Variants in CSMD2 observed in about 807,000 individuals in gnomAD.
The protein encoded by CSMD2 is CUB and sushi domain-containing protein 2.
CSMD2 carries 130 observed loss-of-function variants against 398.5 expected under a neutral mutation model. The observed-to-expected ratio is 0.33, with a 90% CI of 0.28 to 0.38. The LOEUF is 0.38. Among genes scored for constraint, CSMD2 ranks in the 10% least tolerant of loss-of-function variants. The pLI, the probability that CSMD2 is intolerant of heterozygous loss-of-function variation, is 1.00. For missense variants in CSMD2, 3,829 were observed against 4,764.9 expected, an observed-to-expected ratio of 0.80 and a Z score of 5.78; for synonymous variants, 1,828 against 1,908.5, an observed-to-expected ratio of 0.96 and a Z score of 1.10.
At chr1:33,956,254 T>C (rs1645165282) in intron 3 of CSMD2, among the ~76,000 whole-genome samples, 1 of 150,892 alleles carries the variant, frequency 6.6e-6, no homozygotes, top group South Asian at 2.1e-4. Flanking sequence ...CCATCACCAC[T>C]ATCCATCCAC....
At chr1:33,749,675 A>G (rs891972110) in intron 13 of CSMD2, among the ~76,000 whole-genome samples, 2 of 152,192 alleles carry the variant, frequency 1.3e-5, no homozygotes, top group Non-Finnish European at 2.9e-5. Context: ...AGATAAATAT[A>G]CATAGGGATA....
chr1:33,539,385 T>G (rs1045369711), intron 60 of CSMD2, among the ~76,000 whole-genome samples: 1 of 152,192 alleles, frequency 6.6e-6, no homozygotes, highest in Non-Finnish European at 1.5e-5. Context: ...ACAAGGAAAT[T>G]CTTTAAAGCC....
chr1:34,123,485 C>A (rs1022986040), intron 1 of CSMD2, among the ~76,000 whole-genome samples: 1 of 150,970 alleles, frequency 6.6e-6, no homozygotes, highest in Non-Finnish European at 1.5e-5. Context: ...GTTTCCCTGA[C>A]TTCTGTGAGC....
chr1:33,637,415 G>A (rs965841230), intron 29 of CSMD2, among the ~76,000 whole-genome samples: 5 of 152,072 alleles, frequency 3.3e-5, no homozygotes, highest in Non-Finnish European at 4.4e-5. Flanking sequence ...CTACTCTGTC[G>A]CTCTGCATCA....
At position 33,633,565 on chromosome 1, in the gene CSMD2, G is replaced by T; in HGVS notation, c.5087-30C>A. On this transcript the variant is annotated intron_variant, in intron 31 of 70. Transcript: ENST00000373381. This position sits in a 1 kb window ranked among gnomAD's most constrained non-coding sequence, Gnocchi z 5.0. ...GGAGGAGACACAGTGTGGGGACTGGGCAGGCACGCTGGGGGCAGGAGAGGG... is the reference window on the plus strand; with the variant it reads ...GGAGGAGACACAGTGTGGGGACTGGTCAGGCACGCTGGGGGCAGGAGAGGG... 6.6e-7 allele frequency: 1 copy of T among 1,505,914 alleles called. No individual in the cohort carries two copies. The highest frequency in any genetic ancestry group is 9.0e-7 in the Non-Finnish European group (1 of 1,105,458). 93.3% of individuals were successfully genotyped at this position (1,505,914 alleles called of 1,614,324 possible). A position where few individuals can be genotyped will look rare whatever the true frequency, so the allele number is the denominator to read the frequency against.
At chr1:33,658,422 C>T (rs566337202) in intron 26 of CSMD2, among the ~76,000 whole-genome samples, 1 of 152,198 alleles carries the variant, frequency 6.6e-6, no homozygotes, top group African/African-American at 2.4e-5. Context: ...TCATGAGATG[C>T]TATGAGTTAA....
chr1:34,013,953 A>G (rs1374806105), intron 3 of CSMD2, among the ~76,000 whole-genome samples: 1 of 151,928 alleles, frequency 6.6e-6, no homozygotes, highest in Non-Finnish European at 1.5e-5. Flanking sequence ...TGAGCTCCTG[A>G]TCTCCGCACC....
At chr1:34,040,146 G>A (rs1441450783) in intron 2 of CSMD2, among the ~76,000 whole-genome samples, 3 of 151,384 alleles carry the variant, frequency 2.0e-5, no homozygotes, top group Admixed American at 6.6e-5. Flanking sequence ...ACCCACGATC[G>A]TACCACTGTG....
chr1:33,611,023 G>T lies in CSMD2; in HGVS notation c.6343+18C>A. ...TGGAGATAGACAGAGAAGCAAAGGC[G>T]GTGCTCCTTGTCCTTACCCTGATAC... On this transcript the variant is annotated intron_variant, in intron 41 of 70. Transcript: ENST00000373381. 6.2e-7 allele frequency: 1 copy of T among 1,609,224 alleles called. No individual in the cohort carries two copies. Among genetic ancestry groups the T allele is most frequent in the Non-Finnish European group, 8.5e-7 (1 of 1,176,832 alleles).
chr1:34,037,622 T>C lies in CSMD2; in HGVS notation c.405-4916A>G, dbSNP rs151309497. Among the ~76,000 whole-genome samples the C allele has an allele frequency of 5.6e-3, 852 of 152,340 alleles. 10 individuals are homozygous for C. The highest frequency in any genetic ancestry group is 0.024 in the Middle Eastern group (7 of 294). Reference sequence around the variant, plus strand: ...AGCTGCAACTTGTCTCTCACCCATGTCTACCAGAATTATGCCCTTGGGTGC... The same window carrying C: ...AGCTGCAACTTGTCTCTCACCCATGCCTACCAGAATTATGCCCTTGGGTGC... On this transcript the variant is annotated intron_variant, in intron 2 of 70. Transcript: ENST00000373381.
intron 25 of CSMD2, among the ~76,000 whole-genome samples, chr1:33,678,259 T>C (rs1353383491): frequency 1.3e-5 from 2 of 151,382 alleles, no homozygotes; most frequent in African/African-American, 4.9e-5. Context: ...GGCACCATGC[T>C]TCTTGTACAG....
chr1:33,648,158 C>T (rs539203942), intron 28 of CSMD2, among the ~76,000 whole-genome samples: 4 of 151,912 alleles, frequency 2.6e-5, no homozygotes, highest in Non-Finnish European at 4.4e-5. Flanking sequence ...GTCCGGAGAT[C>T]GAGACCATCC....
intron 2 of CSMD2, among the ~76,000 whole-genome samples, chr1:34,077,158 A>G (rs1656479627): frequency 6.6e-6 from 1 of 151,538 alleles, no homozygotes; most frequent in African/African-American, 2.4e-5. Flanking sequence ...TGTTGGAGAG[A>G]AGAGAAGAGA....
At chr1:34,156,989 T>A (rs1054047022) in intron 1 of CSMD2, among the ~76,000 whole-genome samples, 1 of 152,190 alleles carries the variant, frequency 6.6e-6, no homozygotes, top group African/African-American at 2.4e-5. Context: ...GTGGAGCCAC[T>A]GTGCTAGCTC....
At chr1:33,902,321 TAG>T (rs2125239009) in intron 5 of CSMD2, among the ~76,000 whole-genome samples, 1 of 152,280 alleles carries the variant, frequency 6.6e-6, no homozygotes, top group East Asian at 1.9e-4. Flanking sequence ...TGACACAACA[TAG>T]AGAGATGTCC....
chr1:33,881,491 G>A (rs1641238536), intron 5 of CSMD2, among the ~76,000 whole-genome samples: 1 of 152,146 alleles, frequency 6.6e-6, no homozygotes, highest in African/African-American at 2.4e-5. Flanking sequence ...CAGCATGGCA[G>A]TATGCATAGT....
intron 1 of CSMD2, among the ~76,000 whole-genome samples, chr1:34,114,430 G>A (rs1359617087): frequency 1.3e-5 from 2 of 152,050 alleles, no homozygotes; most frequent in African/African-American, 4.8e-5. Flanking sequence ...GAGCACAGTG[G>A]TTCATACCTG....
Position 33,624,655 on chromosome 1 carries a change from G to A in CSMD2, c.5501-12C>T, listed in dbSNP as rs773138987. On this transcript the variant is annotated splice_polypyrimidine_tract_variant and intron_variant, in intron 34 of 70. Coordinates refer to ENST00000373381, the MANE Select transcript of CSMD2 (RefSeq NM_001281956.2). The surrounding 1 kb of genome is among the most constrained non-coding windows in gnomAD (Gnocchi z 4.7). ...GCCTCCACACGGCACTGGGAGGAGA[G>A]GCCATCGGGTCAGAGGCTTTGTGGC... The A allele has an allele frequency of 6.2e-7, 1 of 1,609,430 alleles. No individual in the cohort carries two copies. The highest frequency in any genetic ancestry group is 2.2e-5 in the East Asian group (1 of 44,720).
chr1:34,150,254 T>G (rs1640182015), intron 1 of CSMD2, among the ~76,000 whole-genome samples: 1 of 151,946 alleles, frequency 6.6e-6, no homozygotes, highest in Admixed American at 6.6e-5. Flanking sequence ...CCAGCTAATA[T>G]TTTTATTTTT....
Sources: allele counts gnomAD v4.1 joint callset (sites outside exome capture counted in the v4.1 genomes callset), GRCh38; gene constraint gnomAD v4.1.1; non-coding constraint Gnocchi (gnomAD v3.1); transcripts MANE v1.5; gene names NCBI Gene and HGNC (gene_info 2026-07-23, HGNC 2026-07-21).